The following TMCO4 variants were observed in gnomAD, a reference collection of about 807,000 sequenced individuals.
TMCO4 encodes transmembrane and coiled-coil domains 4, also known as transmembrane and coiled-coil domain-containing protein 4.
Under a neutral mutation model 64.7 loss-of-function variants are expected in TMCO4, and 58 were observed. The ratio of observed to expected loss-of-function variants is 0.90; its 90% confidence interval spans 0.73 to 1.12. TMCO4 has a LOEUF of 1.12. Among genes scored for constraint, TMCO4 ranks in the 50% most tolerant of loss-of-function variants. The pLI is 0.00. For missense variants in TMCO4, 780 were observed against 825.9 expected (o/e 0.94, Z 0.68); for synonymous variants, 325 against 346.1 (o/e 0.94, Z 0.68).
intron 14 of TMCO4, among the ~76,000 whole-genome samples, chr1:19,696,979 T>G (rs903295496): frequency 1.2e-4 from 19 of 152,206 alleles, no homozygotes; most frequent in Admixed American, 9.8e-4. Flanking sequence ...CTGTGTGACC[T>G]TGGACAGGTT....
At chr1:19,690,474 G>A (rs953716365) in intron 15 of TMCO4, among the ~76,000 whole-genome samples, 7 of 152,254 alleles carry the variant, frequency 4.6e-5, no homozygotes, top group Non-Finnish European at 1.0e-4. Context: ...CGCCTGGTCT[G>A]GCCACAGGCC....
chr1:19,798,985 C>A (rs2101196483), intron 1 of TMCO4, among the ~76,000 whole-genome samples: 1 of 152,356 alleles, frequency 6.6e-6, no homozygotes. Context: ...AGGTAGTAGT[C>A]TGGGATTCTA....
chr1:19,728,657 G>A (rs1426460986), intron 13 of TMCO4, among the ~76,000 whole-genome samples: 1 of 152,200 alleles, frequency 6.6e-6, no homozygotes, highest in African/African-American at 2.4e-5. Context: ...GATTTGCTGG[G>A]AAACGTGCTG....
At chr1:19,699,316 C>T (rs1168360144) in intron 14 of TMCO4, among the ~76,000 whole-genome samples, 2 of 151,888 alleles carry the variant, frequency 1.3e-5, no homozygotes, top group African/African-American at 2.4e-5. Flanking sequence ...TTTAATCTTC[C>T]CAGAACCTCT....
chr1:19,782,162 G>T (rs866084145), intron 3 of TMCO4, among the ~76,000 whole-genome samples: 1 of 152,108 alleles, frequency 6.6e-6, no homozygotes, highest in Non-Finnish European at 1.5e-5. Flanking sequence ...CAACCCACAC[G>T]TCTATCACAG....
chr1:19,770,653 G>A (rs1305851813), intron 5 of TMCO4, 84 bp from the exon 6 acceptor site: 2 of 1,428,280 alleles, frequency 1.4e-6, no homozygotes, highest in Non-Finnish European at 1.9e-6. Flanking sequence ...CTCCTACCAA[G>A]TGGCAGAACA....
At chr1:19,785,147 CA>C (rs202046268) in intron 3 of TMCO4, among the ~76,000 whole-genome samples, 3,336 of 152,286 alleles carry the variant, frequency 0.022, 112 homozygotes, top group African/African-American at 0.076. Context: ...CCCTGACCAT[CA>C]CATCATCTGG....
intron 10 of TMCO4, among the ~76,000 whole-genome samples, chr1:19,742,803 A>C (rs528288447): frequency 6.6e-6 from 1 of 152,136 alleles, no homozygotes; most frequent in South Asian, 2.1e-4. Flanking sequence ...AAGGTGTTGT[A>C]TACTTTGGGA....
At chr1:19,688,942 G>C (rs1206314253) in intron 15 of TMCO4, among the ~76,000 whole-genome samples, 3 of 152,280 alleles carry the variant, frequency 2.0e-5, no homozygotes, top group East Asian at 3.9e-4. Context: ...TGGTCCCTGG[G>C]GTGGCAAATC....
At chr1:19,792,765 A>ATTTTTTTT (rs71579823) in intron 2 of TMCO4, among the ~76,000 whole-genome samples, 4 of 89,672 alleles carry the variant, frequency 4.5e-5, no homozygotes, top group African/African-American at 4.0e-5. Context: ...GTCAAGGTCA[A>ATTTTTTTT]TTTTTTTTTT....
intron 4 of TMCO4, among the ~76,000 whole-genome samples, chr1:19,774,089 T>C (rs1182601045): frequency 6.6e-6 from 1 of 152,248 alleles, no homozygotes; most frequent in African/African-American, 2.4e-5. Flanking sequence ...TAGCTACTGC[T>C]ACCACAGTGA....
At chr1:19,718,872 C>A (rs2095369103) in intron 13 of TMCO4, among the ~76,000 whole-genome samples, 2 of 152,100 alleles carry the variant, frequency 1.3e-5, no homozygotes, top group Non-Finnish European at 2.9e-5. Flanking sequence ...GCGGCACCAA[C>A]TAAAAATCAT....
rs1209946187 is a variant in TMCO4 at position 19,745,635 on chromosome 1, C to T, written c.774G>A (p.Lys258=). 6.2e-7 allele frequency: 1 copy of T among 1,611,552 alleles called. No homozygotes were observed. ...TGAACTCTTCAATGGCTCCCACTCGCTTCTTCATCTTGTATCCTAAAGACC... is the reference window on the plus strand; with the variant it reads ...TGAACTCTTCAATGGCTCCCACTCGTTTCTTCATCTTGTATCCTAAAGACC... The part of the protein sequence containing the change: ...GAGLTGYKMK[K]RVGAIEEFTF... The change falls in exon 10 of 16, where the codon AAG becomes AAA. Residue 258 remains lysine (K), a synonymous_variant. Transcript: ENST00000294543.
At chr1:19,698,914 C>T (rs60099692) in intron 14 of TMCO4, among the ~76,000 whole-genome samples, 14,034 of 152,200 alleles carry the variant, frequency 0.092, 2,028 homozygotes, top group African/African-American at 0.31. Context: ...AAATCATGTG[C>T]GGCGGGGTGC....
At chr1:19,735,240 G>T (rs976763340) in intron 13 of TMCO4, among the ~76,000 whole-genome samples, 2 of 152,158 alleles carry the variant, frequency 1.3e-5, no homozygotes, top group African/African-American at 4.8e-5. Context: ...CCAAACTGGG[G>T]CCAGGAATTC....
Position 19,719,659 on chromosome 1 carries a change from G to A in TMCO4, c.1264+17713C>T, listed in dbSNP as rs140956288. Among the ~76,000 whole-genome samples, 210 of 152,182 alleles carry A rather than the reference G, an allele frequency of 1.4e-3. 1 individual carries two copies. Among genetic ancestry groups the A allele is most frequent in the African/African-American group, 4.8e-3 (198 of 41,514 alleles). The stretch of plus-strand genomic sequence containing the variant: ...TCCTCTGGACTCAGTCTCCCAAGCA[G>A]CTGGGGCTACAGATGTATACCACCA... On this transcript the variant is annotated intron_variant, in intron 13 of 15. Transcript: ENST00000294543.
intron 15 of TMCO4, among the ~76,000 whole-genome samples, chr1:19,691,209 T>C (rs1344071151): frequency 6.6e-6 from 1 of 152,114 alleles, no homozygotes; most frequent in African/African-American, 2.4e-5. Context: ...GTTTCATAAA[T>C]GGATGAGCCT....
At chr1:19,741,097 C>T (rs1412195606) in intron 10 of TMCO4, among the ~76,000 whole-genome samples, 156 bp from the exon 11 acceptor site, 6 of 152,204 alleles carry the variant, frequency 3.9e-5, no homozygotes, top group African/African-American at 7.2e-5. Flanking sequence ...GCAGAGCTAG[C>T]GGAGCTCTGT....
Position 19,730,492 on chromosome 1 carries a change from G to A in TMCO4, c.1264+6880C>T, listed in dbSNP as rs565843805. Among the ~76,000 whole-genome samples the A allele has an allele frequency of 2.1e-4, 32 of 152,256 alleles. 1 individual carries two copies. The highest frequency in any genetic ancestry group is 1.2e-4 in the Non-Finnish European group (8 of 68,046). ...TTTACTTCTAGAGCATGTACTCTCT[G>A]TTGGCATTATTCCAGGTACAGGAAG... On this transcript the variant is annotated intron_variant, in intron 13 of 15. Coordinates refer to ENST00000294543, the MANE Select transcript of TMCO4 (RefSeq NM_181719.7).
Sources: gnomAD v4.1 joint callset for allele counts (sites outside exome capture counted in the v4.1 genomes callset) on GRCh38, gnomAD v4.1.1 for gene constraint, MANE v1.5 for transcripts, NCBI Gene and HGNC (gene_info 2026-07-23, HGNC 2026-07-21) for gene names.